The following SIK2 variants were observed in gnomAD, a reference collection of about 807,000 sequenced individuals.
The protein encoded by SIK2 is salt inducible kinase 2.
SIK2 carries 29 observed loss-of-function variants against 103.2 expected under a neutral mutation model. That is an observed-to-expected ratio of 0.28 (90% CI 0.21 to 0.38). SIK2 has a LOEUF of 0.38. SIK2 is among the 10% of genes least tolerant of loss of function. SIK2 has a pLI of 1.00. For missense variants in SIK2, 879 were observed against 1,171.0 expected (o/e 0.75, Z 3.64); for synonymous variants, 412 against 446.1 (o/e 0.92, Z 0.96).
rs779289996 is a variant in SIK2, at chr11:111,723,542, G to T, written c.2194G>T (p.Ala732Ser). 1 of 1,614,066 alleles carries T rather than the reference G, an allele frequency of 6.2e-7. No homozygotes were observed. The highest frequency in any genetic ancestry group is 8.5e-7 in the Non-Finnish European group (1 of 1,179,974). ...TCTTCAGAAGCAGTCTCAACTGCAG[G>T]CCTATTTTAATCAGATGCAGATAGC... ...LFLQKQSQLQ[A>S]YFNQMQIAES... Residue 732 changes from alanine to serine, a missense_variant, in exon 15 of 15, where the codon GCC becomes TCC. Around this residue, in one of 7 missense-constraint regions of SIK2, gnomAD observed 375 missense variants for 416.3 expected, o/e 0.90. Coordinates refer to ENST00000304987, the MANE Select transcript of SIK2 (RefSeq NM_015191.3).
intron 3 of SIK2, among the ~76,000 whole-genome samples, chr11:111,623,918 T>C (rs1355965113): frequency 2.0e-5 from 3 of 152,356 alleles, no homozygotes; most frequent in South Asian, 2.1e-4. Context: ...TTCCCCTCCC[T>C]GTGCTGTGGC....
At chr11:111,665,594 C>T (rs1010866534) in intron 3 of SIK2, among the ~76,000 whole-genome samples, 7 of 151,976 alleles carry the variant, frequency 4.6e-5, no homozygotes, top group African/African-American at 1.7e-4. Flanking sequence ...GATGCCAAGG[C>T]GGGCAGATTG....
rs1215487493 is a variant in SIK2, at chr11:111,720,848, G to A, written c.1781-51G>A. On this transcript the variant is annotated intron_variant, in intron 11 of 14. Transcript: ENST00000304987. ...GTTGGTGTGGTCACCTGTGGTCACT[G>A]AAAGGCCTTGTATTTTAGTTAAACT... 2.5e-6 allele frequency: 4 copies of A among 1,596,050 alleles called. No individual in the cohort carries two copies. In the East Asian group the frequency reaches 8.9e-5, roughly 36 times the overall value.
chr11:111,724,602 C>A lies in SIK2; in HGVS notation c.*473C>A, dbSNP rs1943912131. The stretch of plus-strand genomic sequence containing the variant: ...GCAAATCAAGAAGACATCAGGAAAT[C>A]AGATGCACAGGAAATAAAGGAAAGC... On this transcript the variant is annotated 3_prime_UTR_variant, in exon 15 of 15. Transcript: ENST00000304987. 6.2e-6 allele frequency: 1 copy of A among 160,644 alleles called. No homozygotes were observed. The highest frequency in any genetic ancestry group is 1.8e-4 in the South Asian group (1 of 5,592). 10.0% of individuals were successfully genotyped at this position (160,644 alleles called of 1,614,324 possible). A position where few individuals can be genotyped will look rare whatever the true frequency, so the allele number is the denominator to read the frequency against.
intron 3 of SIK2, among the ~76,000 whole-genome samples, chr11:111,623,911 C>T (rs1251947642): frequency 1.3e-5 from 2 of 152,184 alleles, no homozygotes; most frequent in Non-Finnish European, 2.9e-5. Context: ...CCTGGGTTTC[C>T]CCTCCCTGTG....
intron 8 of SIK2, among the ~76,000 whole-genome samples, chr11:111,710,912 C>T (rs562395363): frequency 1.4e-4 from 22 of 152,088 alleles, no homozygotes; most frequent in Non-Finnish European, 2.8e-4. Context: ...ATAACTATAG[C>T]CGGAAAAATA....
intron 3 of SIK2, among the ~76,000 whole-genome samples, chr11:111,633,585 C>T (rs574855236): frequency 9.2e-5 from 14 of 152,148 alleles, no homozygotes; most frequent in Non-Finnish European, 2.1e-4. Context: ...CGAGGAAATA[C>T]TAACTGAATC....
In SIK2 at chr11:111,719,943, G is replaced by A. The variant is rs1477127668; in HGVS notation, c.1435G>A (p.Gly479Arg). Residue 479 changes from glycine (G) to arginine (R), a missense_variant, in exon 10 of 15, where the codon GGG (glycine) becomes AGG (arginine). Around this residue, in one of 7 missense-constraint regions of SIK2, gnomAD observed 222 missense variants for 258.0 expected, o/e 0.86. Coordinates refer to ENST00000304987, the MANE Select transcript of SIK2 (RefSeq NM_015191.3). ...AFEAFQSTRSGQRRHTLSEVT... is the reference protein window; with the variant it reads ...AFEAFQSTRSRQRRHTLSEVT... ...TGAGGCATTTCAGTCCACACGCAGCGGGCAGAGACGGCACACTCTGTCAGA... is the reference window on the plus strand; with the variant it reads ...TGAGGCATTTCAGTCCACACGCAGCAGGCAGAGACGGCACACTCTGTCAGA... 1.2e-5 allele frequency: 19 copies of A among 1,614,000 alleles called. No homozygotes were observed. The highest frequency in any genetic ancestry group is 1.3e-5 in the African/African-American group (1 of 74,914).
At chr11:111,616,641 A>C (rs1056967373) in intron 2 of SIK2, among the ~76,000 whole-genome samples, 1 of 152,172 alleles carries the variant, frequency 6.6e-6, no homozygotes. Flanking sequence ...ACTTGAGTCC[A>C]GCCTGGGCAA....
chr11:111,718,704 A>G (rs998266845), intron 9 of SIK2: 1 of 152,232 alleles, frequency 6.6e-6, no homozygotes, highest in Non-Finnish European at 1.5e-5. Context: ...CACCTCTCAC[A>G]TACATGAGCT....
At chr11:111,668,177 G>GGGGTGTGTGTGT (rs72041846) in intron 3 of SIK2, among the ~76,000 whole-genome samples, 39 of 129,858 alleles carry the variant, frequency 3.0e-4, no homozygotes, top group African/African-American at 1.4e-3. Context: ...ACTAAAGTAA[G>GGGGTGTGTGTGT]GAGTGTGTGT....
At chr11:111,689,853 CAT>C (rs1942903619) in intron 4 of SIK2, among the ~76,000 whole-genome samples, 1 of 151,934 alleles carries the variant, frequency 6.6e-6, no homozygotes, top group South Asian at 2.1e-4. Flanking sequence ...GTCAATATTA[CAT>C]ATGTTACAGG....
At chr11:111,616,187 C>T in intron 1 of SIK2, 56 bp from the exon 2 acceptor site, 1 of 1,197,538 alleles carries the variant, frequency 8.4e-7, no homozygotes. Flanking sequence ...GGATTCTTAA[C>T]TAGAAAATGT....
At chr11:111,692,954 A>G (rs1250869899) in intron 4 of SIK2, among the ~76,000 whole-genome samples, 1 of 152,210 alleles carries the variant, frequency 6.6e-6, no homozygotes, top group East Asian at 1.9e-4. Flanking sequence ...AAAATGGAAT[A>G]GAAGTATCAA....
intron 9 of SIK2, among the ~76,000 whole-genome samples, chr11:111,713,147 A>G (rs571261454): frequency 2.6e-5 from 4 of 152,268 alleles, no homozygotes; most frequent in African/African-American, 9.6e-5. Flanking sequence ...CCTGGGTGAC[A>G]GAGTGAGACT....
chr11:111,669,977 A>G (rs900988844), intron 3 of SIK2, among the ~76,000 whole-genome samples: 29 of 152,242 alleles, frequency 1.9e-4, no homozygotes, highest in Non-Finnish European at 3.7e-4. Flanking sequence ...TATAAATTGT[A>G]AAGATCACAT....
At chr11:111,628,356 G>C (rs368034590) in intron 3 of SIK2, among the ~76,000 whole-genome samples, 40 of 150,462 alleles carry the variant, frequency 2.7e-4, no homozygotes, top group African/African-American at 9.4e-4. Context: ...GGATGATACA[G>C]TCCCCATGCT....
chr11:111,630,497 CAAA>C, intron 3 of SIK2, among the ~76,000 whole-genome samples: 1 of 143,886 alleles, frequency 6.9e-6, no homozygotes, highest in South Asian at 2.2e-4. Flanking sequence ...TTGTCTCTCT[CAAA>C]AAAAAAAGGA....
At position 111,703,207 on chromosome 11, in the gene SIK2, C is replaced by A; in HGVS notation, c.732C>A (p.Cys244Ter). ...GTAACATTGTGTTTTCTATAGATTG[C>A]GAGCACCTTATCCGAAGGATGTTGG... The part of the protein sequence containing the change: ...FRIPYFMSED[C>*]EHLIRRMLVL... The change falls in exon 7 of 15, where the codon TGC becomes TGA. Residue 244 changes from cysteine (C) to a stop codon, truncating the protein, a stop_gained. Transcript: ENST00000304987. LOFTEE classifies it high-confidence loss of function. 1 of 1,613,742 alleles carries A rather than the reference C, an allele frequency of 6.2e-7. No individual in the cohort carries two copies. Among genetic ancestry groups the A allele is most frequent in the Non-Finnish European group, 8.5e-7 (1 of 1,179,822 alleles).
Sources: allele counts gnomAD v4.1 joint callset (sites outside exome capture counted in the v4.1 genomes callset), GRCh38; gene constraint gnomAD v4.1.1; regional missense constraint gnomAD v4.1.1; transcripts MANE v1.5; gene names NCBI Gene and HGNC (gene_info 2026-07-23, HGNC 2026-07-21).